ZNF365: variants seen among roughly 807,000 people sequenced by gnomAD.
ZNF365 encodes zinc finger protein 365.
A neutral mutation model predicts 35.0 loss-of-function variants in ZNF365; 22 were observed. The ratio of observed to expected loss-of-function variants is 0.63; its 90% CI spans 0.45 to 0.90. ZNF365 has a LOEUF of 0.90. Among genes scored for constraint, ZNF365 ranks in the 40% least tolerant of loss-of-function variants. ZNF365 has a pLI of 0.00. For synonymous variants in ZNF365, 188 were observed against 196.2 expected, an observed-to-expected ratio of 0.96 and a Z score of 0.35; for missense variants, 448 against 500.3, an observed-to-expected ratio of 0.90 and a Z score of 1.00.
rs1415335888 is a variant in ZNF365 at position 62,399,504 on chromosome 10, A to T, written c.963-24A>T. The T allele has an allele frequency of 3.1e-6, 5 of 1,607,990 alleles. No homozygotes were observed. In the East Asian group the frequency reaches 1.1e-4, roughly 36 times the overall value. On this transcript the variant is annotated intron_variant, in intron 4 of 4. Transcript: ENST00000395254. ...CTTTCTTTCTGCTCATCTCTTCTCCACTCCCCCCTCCAACCCTCTGTAGAA... is the reference window on the plus strand; with the variant it reads ...CTTTCTTTCTGCTCATCTCTTCTCCTCTCCCCCCTCCAACCCTCTGTAGAA...
intron 2 of ZNF365, among the ~76,000 whole-genome samples, chr10:62,381,122 GTAAT>G (rs772827185): frequency 6.6e-6 from 1 of 152,100 alleles, no homozygotes; most frequent in Non-Finnish European, 1.5e-5. Flanking sequence ...TTTCAAGTTG[GTAAT>G]ACATTAGAGA....
In ZNF365 at chr10:62,399,833, A is replaced by G; in HGVS notation, c.*44A>G. ...ACCAATCATCGCTGGGCTTTGGGGA[A>G]CGTTGTTCCAGGAGCCAACAGTAAT... On this transcript the variant is annotated 3_prime_UTR_variant, in exon 5 of 5. Coordinates refer to ENST00000395254, the MANE Select transcript of ZNF365 (RefSeq NM_014951.3). 1 of 1,563,970 alleles carries G rather than the reference A, an allele frequency of 6.4e-7. No individual in the cohort carries two copies. Among genetic ancestry groups the G allele is most frequent in the Non-Finnish European group, 8.7e-7 (1 of 1,153,574 alleles).
rs1042739378 is a variant in ZNF365, at chr10:62,388,443, A to T, written c.791A>T (p.Glu264Val). 1.2e-6 allele frequency: 2 copies of T among 1,614,242 alleles called. No homozygotes were observed. The highest frequency in any genetic ancestry group is 1.7e-6 in the Non-Finnish European group (2 of 1,180,036). ...TTCCTGGAAGCGGCAGCTGAGAAGG[A>T]GGTTCAAGGGAAAGCCCGGCTCCAG... Reference protein sequence around the residue: ...NHFLEAAAEKEVQGKARLQDF... With the variant: ...NHFLEAAAEKVVQGKARLQDF... Residue 264 changes from glutamate (E) to valine (V), a missense_variant, in exon 3 of 5, where the codon GAG becomes GTG. Physicochemically the swap from Glu to Val is moderately radical, Grantham distance 121. This residue lies in a region of ZNF365 where 362 missense variants were observed against 375.7 expected (regional missense o/e 0.96). Transcript: ENST00000395254.
At chr10:62,404,691 A>T (rs545662277), downstream of ZNF365, among the ~76,000 whole-genome samples, 1 of 152,286 alleles carries the variant, frequency 6.6e-6, no homozygotes, top group African/African-American at 2.4e-5. Flanking sequence ...ATCCATGAGT[A>T]ACTTTTGATT....
Position 62,399,782 on chromosome 10 carries a change from T to A in ZNF365, c.1217T>A (p.Ile406Asn). 6.2e-7 allele frequency: 1 copy of A among 1,612,246 alleles called. No individual in the cohort carries two copies. Among genetic ancestry groups the A allele is most frequent in the Non-Finnish European group, 8.5e-7 (1 of 1,179,338 alleles). The change falls in exon 5 of 5, where the codon ATC (isoleucine) becomes AAC (asparagine). Residue 406 changes from isoleucine to asparagine, a missense_variant. By Grantham distance (149) the Ile-to-Asn change is moderately radical (BLOSUM62 -3). Coordinates refer to ENST00000395254, the MANE Select transcript of ZNF365 (RefSeq NM_014951.3). Reference sequence around the variant, plus strand: ...AAAAAGCCAACAGCCATTGTGAACATCATCTAAAAGGGTGGGTGGTGCTGG... The same window carrying A: ...AAAAAGCCAACAGCCATTGTGAACAACATCTAAAAGGGTGGGTGGTGCTGG... ...AKKKPTAIVN[I>N]I
intron 3 of ZNF365, among the ~76,000 whole-genome samples, chr10:62,452,473 T>A (rs1840698268): frequency 6.6e-6 from 1 of 152,216 alleles, no homozygotes; most frequent in East Asian, 1.9e-4. Flanking sequence ...GAAAGAATCT[T>A]GAAGAGAATT....
At chr10:62,406,078 T>C (rs910058603), downstream of ZNF365, among the ~76,000 whole-genome samples, 4 of 152,090 alleles carry the variant, frequency 2.6e-5, no homozygotes, top group African/African-American at 4.8e-5. Flanking sequence ...ACACAGTTAG[T>C]TATTGGGACG....
At chr10:62,437,129 C>A (rs1000141134) in intron 3 of ZNF365, among the ~76,000 whole-genome samples, 3 of 152,174 alleles carry the variant, frequency 2.0e-5, no homozygotes, top group African/African-American at 4.8e-5. Context: ...ATTTTAAAGT[C>A]TTCCACAATC....
At chr10:62,443,322 C>T (rs1248659147) in intron 3 of ZNF365, among the ~76,000 whole-genome samples, 2 of 152,190 alleles carry the variant, frequency 1.3e-5, no homozygotes, top group Non-Finnish European at 2.9e-5. Flanking sequence ...TGGAGACAAA[C>T]AGAGACCCTC....
rs150802191 is a variant in ZNF365, at chr10:62,376,862, C to T, written c.669C>T (p.Asp223=). 1.2e-5 allele frequency: 19 copies of T among 1,613,936 alleles called. No homozygotes were observed. The highest frequency in any genetic ancestry group is 4.5e-5 in the East Asian group (2 of 44,892). Residue 223 remains aspartate, a synonymous_variant, in exon 2 of 5, where the codon GAC becomes GAT. Transcript: ENST00000395254. ...AGCGGGCCTTAAACAGACAGGTGGA[C>T]GTGGCCGTGGAAATGATAGCTGTAC... ...RRERALNRQV[D]VAVEMIAVLR...
At chr10:62,416,347 T>C (rs1393321627) in intron 3 of ZNF365, among the ~76,000 whole-genome samples, 1 of 152,158 alleles carries the variant, frequency 6.6e-6, no homozygotes, top group Non-Finnish European at 1.5e-5. Flanking sequence ...CCCAAGTTAA[T>C]GTTCTCCTAA....
chr10:62,446,946 A>G (rs1840599590), intron 3 of ZNF365, among the ~76,000 whole-genome samples: 1 of 152,176 alleles, frequency 6.6e-6, no homozygotes, highest in Admixed American at 6.5e-5. Context: ...GCCTTGGCTA[A>G]TGTACACCCT....
intron 1 of ZNF365, among the ~76,000 whole-genome samples, chr10:62,374,668 G>C (rs1173469468): frequency 6.6e-6 from 1 of 152,188 alleles, no homozygotes; most frequent in Non-Finnish European, 1.5e-5. Flanking sequence ...GGCGGGGAGA[G>C]CTGGGACCCC....
intron 3 of ZNF365, among the ~76,000 whole-genome samples, chr10:62,413,781 C>G (rs1840027042): frequency 6.6e-6 from 1 of 152,126 alleles, no homozygotes; most frequent in Non-Finnish European, 1.5e-5. Context: ...AGGTTTTTAA[C>G]CAGAAATAAG....
intron 3 of ZNF365, among the ~76,000 whole-genome samples, chr10:62,437,138 T>C (rs1255909359): frequency 1.3e-5 from 2 of 152,184 alleles, no homozygotes; most frequent in African/African-American, 4.8e-5. Flanking sequence ...TCTTCCACAA[T>C]CTATACCCAT....
In ZNF365 at chr10:62,397,380, G is replaced by A. The variant is rs111659033; in HGVS notation, c.925-1360G>A. ...GTTTTCAGATCATTTTAGTACAGCA[G>A]GGACATATATCTTGGCCACACTGGC... On this transcript the variant is annotated intron_variant, in intron 3 of 4. Transcript: ENST00000395254. Among the ~76,000 whole-genome samples, 751 of 152,234 alleles carry A rather than the reference G, an allele frequency of 4.9e-3. 5 individuals carry two copies. Among genetic ancestry groups the A allele is most frequent in the African/African-American group, 0.017 (718 of 41,512 alleles).
chr10:62,457,988 G>T (rs1437874080), intron 3 of ZNF365, among the ~76,000 whole-genome samples: 1 of 152,194 alleles, frequency 6.6e-6, no homozygotes, highest in Non-Finnish European at 1.5e-5. Flanking sequence ...GCTCTCCCAG[G>T]GAGACATCTT....
chr10:62,424,195 A>G (rs1840217364), intron 3 of ZNF365, among the ~76,000 whole-genome samples: 1 of 152,166 alleles, frequency 6.6e-6, no homozygotes, highest in South Asian at 2.1e-4. Flanking sequence ...TATCCAATGA[A>G]GCTTAGTTTG....
chr10:62,388,261 C>T (rs1037951650), intron 2 of ZNF365, 135 bp from the exon 3 acceptor site: 1 of 841,678 alleles, frequency 1.2e-6, no homozygotes. Flanking sequence ...GAGGTGATTA[C>T]CTCTCTCGTC....
Sources: gnomAD v4.1 joint callset for allele counts (sites outside exome capture counted in the v4.1 genomes callset) on GRCh38, gnomAD v4.1.1 for gene constraint, gnomAD v4.1.1 regional missense constraint, MANE v1.5 for transcripts, NCBI Gene and HGNC (gene_info 2026-07-23, HGNC 2026-07-21) for gene names.